Variants in STIM1 observed in about 807,000 individuals in gnomAD.
STIM1 encodes stromal interaction molecule 1.
STIM1 carries 25 observed loss-of-function variants against 74.7 expected under a neutral mutation model. The observed-to-expected ratio is 0.33, with a 90% CI of 0.24 to 0.47. The LOEUF is 0.47. Among genes scored for constraint, STIM1 ranks in the 20% least tolerant of loss-of-function variants. The pLI, the probability that STIM1 is intolerant of heterozygous loss-of-function variation, is 1.00. For missense variants in STIM1, 728 were observed against 920.8 expected (o/e 0.79, Z 2.71); for synonymous variants, 328 against 348.8 (o/e 0.94, Z 0.66).
intron 12 of STIM1, 84 bp from the exon 13 acceptor site, chr11:4,091,198 G>A: frequency 1.3e-6 from 2 of 1,592,028 alleles, no homozygotes; most frequent in South Asian, 2.2e-5. Flanking sequence ...GTCTTCTCGT[G>A]TTGTCCCTCT....
At chr11:4,080,763 G>A (rs1463754455) in intron 7 of STIM1, among the ~76,000 whole-genome samples, 2 of 152,196 alleles carry the variant, frequency 1.3e-5, no homozygotes, top group East Asian at 3.8e-4. Flanking sequence ...ACTGTGCCTA[G>A]CTCCCAACAG....
At chr11:3,982,903 G>C (rs189417812) in intron 2 of STIM1, among the ~76,000 whole-genome samples, 99 of 152,188 alleles carry the variant, frequency 6.5e-4, no homozygotes, top group Non-Finnish European at 1.2e-3. Context: ...AAAGCACTTT[G>C]AAAGTCATGT....
chr11:3,919,727 G>A (rs1229138081), intron 1 of STIM1, among the ~76,000 whole-genome samples: 2 of 152,128 alleles, frequency 1.3e-5, no homozygotes, highest in Non-Finnish European at 2.9e-5. Flanking sequence ...CTGCCCTCAC[G>A]TACTATCCAG....
chr11:3,925,940 T>C (rs2092783012), intron 1 of STIM1, among the ~76,000 whole-genome samples: 1 of 152,198 alleles, frequency 6.6e-6, no homozygotes, highest in Non-Finnish European at 1.5e-5. Context: ...ATTCTAAGTA[T>C]CTTTTGATAA....
intron 2 of STIM1, among the ~76,000 whole-genome samples, chr11:4,000,676 C>T (rs572173987): frequency 4.6e-5 from 7 of 152,290 alleles, no homozygotes; most frequent in East Asian, 1.9e-4. Flanking sequence ...AAAAGCAGAG[C>T]GCCTCTCCTC....
chr11:3,923,318 T>C (rs1425906638), intron 1 of STIM1, among the ~76,000 whole-genome samples: 2 of 152,000 alleles, frequency 1.3e-5, no homozygotes, highest in Admixed American at 1.3e-4. Context: ...ATTGAAAAGA[T>C]CATTCCTGGG....
intron 1 of STIM1, among the ~76,000 whole-genome samples, chr11:3,869,509 A>G (rs923689728): frequency 3.9e-5 from 6 of 152,168 alleles, no homozygotes; most frequent in African/African-American, 1.4e-4. Context: ...TAGAAATATA[A>G]GGGAATTTGT....
chr11:4,032,721 A>C (rs2094061843), intron 3 of STIM1, among the ~76,000 whole-genome samples: 2 of 152,204 alleles, frequency 1.3e-5, no homozygotes, highest in African/African-American at 4.8e-5. Flanking sequence ...TCACATTTAG[A>C]ACTTTCACAT....
intron 1 of STIM1, among the ~76,000 whole-genome samples, chr11:3,900,245 G>A (rs547280816): frequency 2.6e-5 from 4 of 152,212 alleles, no homozygotes; most frequent in South Asian, 2.1e-4. Context: ...AGCCAGGTGC[G>A]GGATACAATC....
chr11:3,983,393 C>T (rs2093526270), intron 2 of STIM1, among the ~76,000 whole-genome samples: 1 of 152,200 alleles, frequency 6.6e-6, no homozygotes, highest in Non-Finnish European at 1.5e-5. Flanking sequence ...GAATGTCAGA[C>T]TGAAGAGTCC....
rs184328926 is a variant in STIM1 at position 4,082,768 on chromosome 11, G to T, written c.1138-114G>T. 1.7e-3 allele frequency: 1,405 copies of T among 819,954 alleles called. 20 individuals are homozygous for T. The highest frequency in any genetic ancestry group is 0.015 in the South Asian group (970 of 66,284). 50.8% of individuals were successfully genotyped at this position (819,954 alleles called of 1,614,324 possible). On this transcript the variant is annotated intron_variant, in intron 8 of 12. Transcript: ENST00000526596. Reference sequence around the variant, plus strand: ...TTTCCTCTTTCTCTTCCCTTTCCTTGTACAGCCTCAGTTGTGCTAGGAGGA... The same window carrying T: ...TTTCCTCTTTCTCTTCCCTTTCCTTTTACAGCCTCAGTTGTGCTAGGAGGA...
chr11:3,910,056 G>A (rs989457091), intron 1 of STIM1, among the ~76,000 whole-genome samples: 20 of 152,118 alleles, frequency 1.3e-4, no homozygotes, highest in African/African-American at 4.8e-4. Flanking sequence ...AGTAGGAAGG[G>A]AAGCATAATG....
Position 4,005,374 on chromosome 11 carries a change from A to G in STIM1, c.271-18499A>G, listed in dbSNP as rs546119075. On this transcript the variant is annotated intron_variant, in intron 2 of 12. Transcript: ENST00000526596. ...ATAGACTGGATTAAGAAAATGTGGCACATATACACCATGGCATACTATGCA... is the reference window on the plus strand; with the variant it reads ...ATAGACTGGATTAAGAAAATGTGGCGCATATACACCATGGCATACTATGCA... Among the ~76,000 whole-genome samples the G allele has an allele frequency of 3.4e-3, 525 of 152,334 alleles. 2 individuals carry two copies. Among genetic ancestry groups the G allele is most frequent in the Middle Eastern group, 0.01 (3 of 294 alleles).
At position 3,923,926 on chromosome 11, in the gene STIM1, TG is replaced by T. The variant is rs760530475; in HGVS notation, c.140-43623del. Among the ~76,000 whole-genome samples, 40 of 152,212 alleles carry T rather than the reference TG, an allele frequency of 2.6e-4. No individual in the cohort carries two copies. The East Asian group carries it at 5.6e-3, about 21-fold the overall frequency. ...TTGGCTTTGCATTAAATCTATAGAT[TG>T]GGAGAACTGACAAACTATATGTAGT... On this transcript the variant is annotated intron_variant, in intron 1 of 12. Coordinates refer to ENST00000526596, the MANE Select transcript of STIM1 (RefSeq NM_001382567.1).
intron 1 of STIM1, among the ~76,000 whole-genome samples, chr11:3,870,481 T>C (rs963061078): frequency 1.3e-5 from 2 of 152,194 alleles, no homozygotes; most frequent in African/African-American, 4.8e-5. Flanking sequence ...ATGCTTTCTA[T>C]AATACTCTTT....
chr11:4,006,348 C>T (rs113612789), intron 2 of STIM1, among the ~76,000 whole-genome samples: 4,262 of 152,248 alleles, frequency 0.028, 176 homozygotes, highest in African/African-American at 0.092. Flanking sequence ...GTACAGCCTG[C>T]GGAATGGTGA....
chr11:3,985,516 G>A (rs2135819178), intron 2 of STIM1, among the ~76,000 whole-genome samples: 1 of 152,304 alleles, frequency 6.6e-6, no homozygotes, highest in East Asian at 1.9e-4. Flanking sequence ...GAGCAGGTTA[G>A]GGACAAAGGG....
chr11:3,995,320 T>G (rs911682209), intron 2 of STIM1, among the ~76,000 whole-genome samples: 1 of 152,160 alleles, frequency 6.6e-6, no homozygotes, highest in African/African-American at 2.4e-5. Context: ...TGGGGCTTAT[T>G]ATTATTTGCT....
At chr11:3,988,888 G>A (rs1373685620) in intron 2 of STIM1, among the ~76,000 whole-genome samples, 1 of 152,202 alleles carries the variant, frequency 6.6e-6, no homozygotes, top group Non-Finnish European at 1.5e-5. Context: ...GGAGTGTTAA[G>A]CTGACAGCAA....
Sources: allele counts gnomAD v4.1 joint callset (sites outside exome capture counted in the v4.1 genomes callset), GRCh38; gene constraint gnomAD v4.1.1; transcripts MANE v1.5; gene names NCBI Gene and HGNC (gene_info 2026-07-23, HGNC 2026-07-21).